The following DCHS2 variants were observed in gnomAD, a reference collection of about 807,000 sequenced individuals.
The protein encoded by DCHS2 is dachsous cadherin-related 2, also known as protocadherin-23.
A neutral mutation model predicts 182.4 loss-of-function variants in DCHS2; 142 were observed. The ratio of observed to expected loss-of-function variants is 0.78; its 90% CI spans 0.68 to 0.89. The LOEUF (loss-of-function observed/expected upper bound fraction) is 0.89. Among genes scored for constraint, DCHS2 ranks in the 40% least tolerant of loss-of-function variants. DCHS2 has a pLI of 0.00. For synonymous variants in DCHS2, 1,740 were observed against 1,663.3 expected, an observed-to-expected ratio of 1.05 and a Z score of -1.12; for missense variants, 4,319 against 4,198.6, an observed-to-expected ratio of 1.03 and a Z score of -0.79.
intron 1 of DCHS2, among the ~76,000 whole-genome samples, chr4:154,421,637 C>T (rs543788034): frequency 6.6e-6 from 1 of 152,226 alleles, no homozygotes; most frequent in South Asian, 2.1e-4. Flanking sequence ...TCAAAAAATC[C>T]ACCACCTTGG....
chr4:154,330,317 G>GT (rs1561046784), intron 5 of DCHS2, among the ~76,000 whole-genome samples: 3 of 152,116 alleles, frequency 2.0e-5, no homozygotes, highest in Admixed American at 2.0e-4. Flanking sequence ...ACAAGTATTT[G>GT]TTTTTTATCT....
chr4:154,329,723 G>A lies in DCHS2; in HGVS notation c.3731-13C>T. The A allele has an allele frequency of 6.2e-7, 1 of 1,606,034 alleles. No homozygotes were observed. Among genetic ancestry groups the A allele is most frequent in the Non-Finnish European group, 8.5e-7 (1 of 1,175,028 alleles). On this transcript the variant is annotated splice_polypyrimidine_tract_variant and intron_variant, in intron 5 of 19. Coordinates refer to ENST00000357232, the MANE Select transcript of DCHS2 (RefSeq NM_001358235.2). ...TTGATTAACTCTCCTGCAGAGTACA[G>A]AGCAGAACAAGACACAGGCACTGTG... is the stretch of plus-strand genomic sequence containing the variant.
chr4:154,333,192 T>C lies in DCHS2; in HGVS notation c.3016A>G (p.Arg1006Gly). The C allele has an allele frequency of 6.2e-7, 1 of 1,614,220 alleles. No homozygotes were observed. Among genetic ancestry groups the C allele is most frequent in the Non-Finnish European group, 8.5e-7 (1 of 1,180,036 alleles). ...ATGAGTCCGTTCCGCCCACTGTCTC[T>C]GTCTTCCGCACGTGCGAGGTACAAG... ...TALYLARAED[R>G]DSGRNGLIRY... The change falls in exon 5 of 20, where the codon AGA becomes GGA. Residue 1006 changes from arginine to glycine, a missense_variant. Arg to Gly is a moderately radical substitution (Grantham distance 125, BLOSUM62 -2). Coordinates refer to ENST00000357232, the MANE Select transcript of DCHS2 (RefSeq NM_001358235.2).
At chr4:154,445,855 C>T (rs950237524) in intron 1 of DCHS2, among the ~76,000 whole-genome samples, 4 of 151,638 alleles carry the variant, frequency 2.6e-5, no homozygotes, top group African/African-American at 7.3e-5. Flanking sequence ...GCCACCTGCC[C>T]TTCTGGTCGA....
At chr4:154,271,706 C>T (rs868360049) in intron 13 of DCHS2, among the ~76,000 whole-genome samples, 5 of 152,166 alleles carry the variant, frequency 3.3e-5, no homozygotes, top group South Asian at 2.1e-4. Context: ...ATGTGTCACC[C>T]TCTTAGGATT....
At chr4:154,403,167 T>C (rs959654789) in intron 1 of DCHS2, among the ~76,000 whole-genome samples, 2 of 152,156 alleles carry the variant, frequency 1.3e-5, no homozygotes, top group South Asian at 4.1e-4. Flanking sequence ...TTTCCTTGCC[T>C]TACTATTCTG....
At chr4:154,281,884 G>A (rs1480040292) in intron 13 of DCHS2, among the ~76,000 whole-genome samples, 2 of 152,072 alleles carry the variant, frequency 1.3e-5, no homozygotes, top group Non-Finnish European at 2.9e-5. Context: ...ACATGTATAT[G>A]ATCAAATGAA....
chr4:154,312,180 TG>T (rs1352861738), intron 10 of DCHS2, among the ~76,000 whole-genome samples: 1 of 152,200 alleles, frequency 6.6e-6, no homozygotes, highest in African/African-American at 2.4e-5. Context: ...ACTTTTGAAA[TG>T]CTCTATAATC....
At position 154,335,222 on chromosome 4, in the gene DCHS2, C is replaced by T. The variant is rs376270165; in HGVS notation, c.2477-118G>A. ...TGTTTTATTTTATGTGTTAACTGGG[C>T]CACAGGATGTCCAGGCATTTGATCA... On this transcript the variant is annotated intron_variant, in intron 3 of 19. Coordinates refer to ENST00000357232, the MANE Select transcript of DCHS2 (RefSeq NM_001358235.2). The T allele has an allele frequency of 1.0e-4, 72 of 723,496 alleles. 1 individual carries two copies. In the South Asian group the frequency reaches 1.1e-3, roughly 11 times the overall value. The allele number at this position is 723,496 out of a possible 1,614,324, so 44.8% of individuals were successfully genotyped here. A position where few individuals can be genotyped will look rare whatever the true frequency, so the allele number is the denominator to read the frequency against.
chr4:154,442,284 C>A (rs1170377704), intron 1 of DCHS2, among the ~76,000 whole-genome samples: 3 of 152,074 alleles, frequency 2.0e-5, no homozygotes, highest in Non-Finnish European at 4.4e-5. Context: ...GCAGACCTTA[C>A]TATCATTCCT....
intron 1 of DCHS2, among the ~76,000 whole-genome samples, chr4:154,459,514 G>T (rs1579103097): frequency 6.6e-6 from 1 of 152,132 alleles, no homozygotes; most frequent in Non-Finnish European, 1.5e-5. Context: ...CAAATGATGT[G>T]CCAGTCCTCC....
chr4:154,297,887 G>A lies in DCHS2; in HGVS notation c.6427C>T (p.Leu2143=), dbSNP rs1441952594. Residue 2143 remains leucine, a synonymous_variant, in exon 13 of 20, where the codon CTG becomes TTG. Transcript: ENST00000357232. ...EDVKISFSHH[L]YKGLVTENCE... The stretch of plus-strand genomic sequence containing the variant: ...TTTTCAGTCACGAGCCCTTTATACA[G>A]GTGGTGGCTGAAGGAAATCTTTACA... The A allele has an allele frequency of 6.2e-7, 1 of 1,613,986 alleles. No homozygotes were observed. Among genetic ancestry groups the A allele is most frequent in the Non-Finnish European group, 8.5e-7 (1 of 1,179,924 alleles).
At chr4:154,436,802 C>T (rs1365087979) in intron 1 of DCHS2, among the ~76,000 whole-genome samples, 1 of 152,096 alleles carries the variant, frequency 6.6e-6, no homozygotes, top group Non-Finnish European at 1.5e-5. Context: ...TATTACAATG[C>T]ACATGGAGGT....
chr4:154,266,189 T>C (rs11731663), intron 14 of DCHS2, among the ~76,000 whole-genome samples: 73,043 of 151,920 alleles, frequency 0.48, 18,927 homozygotes, highest in Non-Finnish European at 0.58. Context: ...TACTACTGAA[T>C]GTCTGATGGT....
chr4:154,299,058 A>G (rs1735092654), intron 12 of DCHS2, among the ~76,000 whole-genome samples: 1 of 152,170 alleles, frequency 6.6e-6, no homozygotes, highest in Non-Finnish European at 1.5e-5. Context: ...ATGAAGATAT[A>G]TGTTTTATTT....
intron 1 of DCHS2, among the ~76,000 whole-genome samples, chr4:154,402,264 C>T (rs1375539138): frequency 6.6e-6 from 1 of 152,190 alleles, no homozygotes; most frequent in East Asian, 1.9e-4. Flanking sequence ...GCTTATTCTG[C>T]ACTCTCTTGA....
intron 1 of DCHS2, among the ~76,000 whole-genome samples, chr4:154,417,058 G>A (rs979102798): frequency 1.3e-5 from 2 of 152,096 alleles, no homozygotes; most frequent in Non-Finnish European, 2.9e-5. Flanking sequence ...TACAACCACA[G>A]GATCGCGGCG....
At chr4:154,378,090 C>T (rs1162403616) in intron 1 of DCHS2, among the ~76,000 whole-genome samples, 2 of 152,150 alleles carry the variant, frequency 1.3e-5, no homozygotes, top group Non-Finnish European at 2.9e-5. Context: ...GAATGAAATC[C>T]AGCCCATGCT....
At chr4:154,316,756 C>G (rs1378548693) in intron 9 of DCHS2, among the ~76,000 whole-genome samples, 2 of 152,032 alleles carry the variant, frequency 1.3e-5, no homozygotes, top group African/African-American at 2.4e-5. Context: ...TGCACTCTAG[C>G]CTGGGCAACA....
Sources: gnomAD v4.1 joint callset for allele counts (sites outside exome capture counted in the v4.1 genomes callset) on GRCh38, gnomAD v4.1.1 for gene constraint, MANE v1.5 for transcripts, NCBI Gene and HGNC (gene_info 2026-07-23, HGNC 2026-07-21) for gene names.